IMMP2L: variants seen among roughly 807,000 people sequenced by gnomAD.
The protein encoded by IMMP2L is inner mitochondrial membrane peptidase subunit 2.
In IMMP2L, 18 loss-of-function variants were observed where a neutral mutation model predicts 19.3. The ratio of observed to expected loss-of-function variants is 0.93; its 90% CI spans 0.64 to 1.38. IMMP2L has a LOEUF of 1.38. Ranked by LOEUF, IMMP2L falls within the 40% of genes most tolerant of loss-of-function variation. IMMP2L has a pLI of 0.00. For synonymous variants in IMMP2L, 76 were observed against 73.0 expected, an observed-to-expected ratio of 1.04 and a Z score of -0.21; for missense variants, 233 against 218.2, an observed-to-expected ratio of 1.07 and a Z score of -0.43.
chr7:110,863,857 A>G (rs1807709019), intron 5 of IMMP2L, among the ~76,000 whole-genome samples: 1 of 152,074 alleles, frequency 6.6e-6, no homozygotes, highest in African/African-American at 2.4e-5. Context: ...GAGCATCTGT[A>G]CTCTACTGAC....
At chr7:111,519,298 CT>C (rs1846140795) in intron 2 of IMMP2L, among the ~76,000 whole-genome samples, 2 of 152,158 alleles carry the variant, frequency 1.3e-5, no homozygotes, top group Admixed American at 1.3e-4. Flanking sequence ...AGTCCTGGCT[CT>C]AGTTGTCCCT....
intron 3 of IMMP2L, among the ~76,000 whole-genome samples, chr7:111,435,912 AC>A (rs1837117597): frequency 6.6e-6 from 1 of 151,434 alleles, no homozygotes; most frequent in South Asian, 2.1e-4. Context: ...CAGCTATCAG[AC>A]CCCCTATAGA....
intron 3 of IMMP2L, among the ~76,000 whole-genome samples, chr7:111,131,760 T>C (rs1378773872): frequency 6.6e-6 from 1 of 151,956 alleles, no homozygotes; most frequent in Admixed American, 6.6e-5. Context: ...TTCCAATTTA[T>C]ATATCAGTCT....
intron 3 of IMMP2L, among the ~76,000 whole-genome samples, chr7:111,305,928 T>C (rs1298810140): frequency 6.6e-6 from 1 of 152,132 alleles, no homozygotes; most frequent in Admixed American, 6.6e-5. Context: ...GAGGCCAGAA[T>C]AGGGCAAGGG....
intron 3 of IMMP2L, among the ~76,000 whole-genome samples, chr7:111,212,982 G>A (rs1335296947): frequency 6.6e-6 from 1 of 152,212 alleles, no homozygotes; most frequent in East Asian, 1.9e-4. Flanking sequence ...AGTGGAGGAT[G>A]TGTTTCCAGG....
chr7:111,314,724 T>C (rs1823869348), intron 3 of IMMP2L, among the ~76,000 whole-genome samples: 2 of 152,164 alleles, frequency 1.3e-5, no homozygotes, highest in Non-Finnish European at 2.9e-5. Context: ...TTAAGCCCAC[T>C]TTAATAACTA....
chr7:111,444,869 T>C (rs1240973966), intron 3 of IMMP2L, among the ~76,000 whole-genome samples: 1 of 152,074 alleles, frequency 6.6e-6, no homozygotes, highest in Non-Finnish European at 1.5e-5. Context: ...GTCTGTCCCT[T>C]CCTACTGTCC....
At chr7:111,503,037 T>C (rs1434132692) in intron 2 of IMMP2L, among the ~76,000 whole-genome samples, 1 of 151,736 alleles carries the variant, frequency 6.6e-6, no homozygotes, top group Non-Finnish European at 1.5e-5. Context: ...CAGGAGCTGG[T>C]TTTTTGAAAA....
At chr7:111,163,717 A>G (rs966651188) in intron 3 of IMMP2L, among the ~76,000 whole-genome samples, 1 of 152,076 alleles carries the variant, frequency 6.6e-6, no homozygotes, top group Non-Finnish European at 1.5e-5. Context: ...AGCCAGCTAG[A>G]CTTGAGATGC....
chr7:111,103,446 A>G (rs1798196668), intron 3 of IMMP2L, among the ~76,000 whole-genome samples: 1 of 151,738 alleles, frequency 6.6e-6, no homozygotes, highest in Non-Finnish European at 1.5e-5. Flanking sequence ...CTTCTAAGAC[A>G]TGTCATATAA....
At chr7:110,824,879 A>ACT (rs1262084267) in intron 5 of IMMP2L, among the ~76,000 whole-genome samples, 5 of 152,292 alleles carry the variant, frequency 3.3e-5, no homozygotes, top group African/African-American at 1.2e-4. Flanking sequence ...ATTGACATTT[A>ACT]ATAAAAGAGG....
intron 3 of IMMP2L, among the ~76,000 whole-genome samples, chr7:111,045,153 T>C (rs773460321): frequency 6.6e-6 from 1 of 152,190 alleles, no homozygotes; most frequent in Non-Finnish European, 1.5e-5. Flanking sequence ...TAAAACAAAA[T>C]TTGCGTCTCT....
chr7:111,281,861 A>T (rs571721067), intron 3 of IMMP2L, among the ~76,000 whole-genome samples: 64 of 152,318 alleles, frequency 4.2e-4, no homozygotes, highest in African/African-American at 1.4e-3. Flanking sequence ...CTGGAAAGAG[A>T]CCACAGGAAT....
At chr7:110,869,566 C>A (rs1388882999) in intron 5 of IMMP2L, among the ~76,000 whole-genome samples, 1 of 152,074 alleles carries the variant, frequency 6.6e-6, no homozygotes, top group African/African-American at 2.4e-5. Context: ...GCCAGTGTTT[C>A]TTGAGGCATG....
At chr7:111,403,692 T>A (rs1833669953) in intron 3 of IMMP2L, among the ~76,000 whole-genome samples, 1 of 152,146 alleles carries the variant, frequency 6.6e-6, no homozygotes, top group East Asian at 1.9e-4. Context: ...TTACATAGTT[T>A]GAAAGCTACA....
At chr7:110,890,950 T>C (rs906203076) in intron 4 of IMMP2L, among the ~76,000 whole-genome samples, 5 of 152,162 alleles carry the variant, frequency 3.3e-5, no homozygotes, top group African/African-American at 9.6e-5. Context: ...AAGAATTTCT[T>C]CTTAAAAGTA....
intron 3 of IMMP2L, among the ~76,000 whole-genome samples, chr7:111,416,463 T>A (rs1680226404): frequency 6.6e-6 from 1 of 151,820 alleles, no homozygotes; most frequent in Admixed American, 6.6e-5. Context: ...ACCACTAGAA[T>A]TAGCAAACTA....
At chr7:110,861,440 TG>T (rs58473150) in intron 5 of IMMP2L, among the ~76,000 whole-genome samples, 40,518 of 151,728 alleles carry the variant, frequency 0.27, 6,822 homozygotes, top group East Asian at 0.56. Flanking sequence ...CTAATTTTTA[TG>T]TTTTTTGTAG....
chr7:110,776,427 C>T (rs184741701), intron 5 of IMMP2L, among the ~76,000 whole-genome samples: 58 of 152,078 alleles, frequency 3.8e-4, no homozygotes, highest in Middle Eastern at 3.4e-3. Context: ...CACTAGGTCT[C>T]GAGTTTGCTT....
Sources: allele counts gnomAD v4.1 joint callset (sites outside exome capture counted in the v4.1 genomes callset), GRCh38; gene constraint gnomAD v4.1.1; transcripts MANE v1.5; gene names NCBI Gene and HGNC (gene_info 2026-07-23, HGNC 2026-07-21).